Variants in GOPC observed in about 807,000 individuals in gnomAD.
The protein encoded by GOPC is Golgi-associated PDZ and coiled-coil motif-containing protein.
A neutral mutation model predicts 51.2 loss-of-function variants in GOPC; 32 were observed. That is an observed-to-expected ratio of 0.63 (90% CI 0.47 to 0.84). The LOEUF is 0.84. Ranked by LOEUF, GOPC falls within the 40% of genes least tolerant of loss-of-function variation. The pLI, the probability that GOPC is intolerant of heterozygous loss-of-function variation, is 0.00. For missense variants in GOPC, 441 were observed against 555.5 expected (o/e 0.79, Z 2.07); for synonymous variants, 190 against 205.1 (o/e 0.93, Z 0.63).
chr6:117,572,770 C>T lies in GOPC; in HGVS notation c.816+697G>A, dbSNP rs1045934450. Among the ~76,000 whole-genome samples, 3 of 152,192 alleles carry T rather than the reference C, an allele frequency of 2.0e-5. No homozygotes were observed. The South Asian group carries it at 6.2e-4, about 31-fold the overall frequency. On this transcript the variant is annotated intron_variant, in intron 5 of 8. Transcript: ENST00000368498. Reference sequence around the variant, plus strand: ...CTTATCGCTATCCCCACTTCTCTTCCACCAACTCTATTTACATACCAATTC... The same window carrying T: ...CTTATCGCTATCCCCACTTCTCTTCTACCAACTCTATTTACATACCAATTC...
At chr6:117,578,509 G>A (rs1440296722) in intron 2 of GOPC, among the ~76,000 whole-genome samples, 1 of 151,936 alleles carries the variant, frequency 6.6e-6, no homozygotes, top group Non-Finnish European at 1.5e-5. Context: ...TAGACTGCCG[G>A]TCTCAGATTT....
chr6:117,566,901 G>A lies in GOPC; in HGVS notation c.1211C>T (p.Pro404Leu). ...YLDELEGGGN[P>L]GASCKDTSGE... ...ACTTGTGTCTTTGCAACTAGCACCA[G>A]GGTTACCACCTCCTTCTAACTCATC... is the stretch of plus-strand genomic sequence containing the variant. Residue 404 changes from proline (P) to leucine (L), a missense_variant, in exon 8 of 9, where the codon CCT (proline) becomes CTT (leucine). Physicochemically the swap from Pro to Leu is moderately conservative, Grantham distance 98. Around this residue, in one of 3 missense-constraint regions of GOPC, gnomAD observed 71 missense variants for 68.8 expected, o/e 1.03. Transcript: ENST00000368498. The A allele has an allele frequency of 6.2e-7, 1 of 1,606,022 alleles. No homozygotes were observed. Among genetic ancestry groups the A allele is most frequent in the Non-Finnish European group, 8.5e-7 (1 of 1,176,586 alleles).
intron 5 of GOPC, among the ~76,000 whole-genome samples, chr6:117,571,602 C>T (rs1779807809): frequency 6.6e-6 from 1 of 152,086 alleles, no homozygotes; most frequent in Non-Finnish European, 1.5e-5. Context: ...TACCATCCTC[C>T]CCCTTTCCTT....
intron 2 of GOPC, among the ~76,000 whole-genome samples, chr6:117,578,537 A>T (rs1435363794): frequency 1.3e-5 from 2 of 152,074 alleles, no homozygotes; most frequent in South Asian, 2.1e-4. Flanking sequence ...GAGAAAAATA[A>T]GTACTGTTCA....
chr6:117,588,353 G>A (rs1397985557), intron 1 of GOPC, among the ~76,000 whole-genome samples: 1 of 151,828 alleles, frequency 6.6e-6, no homozygotes, highest in Non-Finnish European at 1.5e-5. Flanking sequence ...TTGGCTCACT[G>A]CAACCTCCAC....
At chr6:117,567,082 T>C (rs767936822) in intron 7 of GOPC, 48 bp from the exon 8 acceptor site, 7 of 1,411,162 alleles carry the variant, frequency 5.0e-6, no homozygotes, top group South Asian at 1.5e-5. Context: ...GTAATTGTAA[T>C]TTAAAAAGGA....
At chr6:117,585,826 C>T (rs1042471404) in intron 1 of GOPC, among the ~76,000 whole-genome samples, 6 of 152,160 alleles carry the variant, frequency 3.9e-5, no homozygotes, top group Non-Finnish European at 8.8e-5. Flanking sequence ...CACAGACACA[C>T]CTGTAGGCAT....
chr6:117,573,339 T>A (rs1471393421), intron 5 of GOPC, 128 bp downstream of exon 5: 5 of 1,078,952 alleles, frequency 4.6e-6, no homozygotes, highest in Non-Finnish European at 5.2e-6. Flanking sequence ...TTTGAATAAG[T>A]TGAATCCCAT....
At chr6:117,591,149 G>A (rs1016246968) in intron 1 of GOPC, among the ~76,000 whole-genome samples, 3 of 152,114 alleles carry the variant, frequency 2.0e-5, no homozygotes, top group African/African-American at 7.2e-5. Flanking sequence ...ACCACACCCG[G>A]CCCCAAATGT....
At position 117,594,964 on chromosome 6, in the gene GOPC, T is replaced by G. The variant is rs1583065157; in HGVS notation, c.285+7040A>C. Among the ~76,000 whole-genome samples the G allele has an allele frequency of 2.0e-5, 3 of 152,110 alleles. No individual in the cohort carries two copies. The South Asian group carries it at 6.2e-4, about 31-fold the overall frequency. ...ACTGCTAGTATTACTATTCCTACTG[T>G]AAACCTAAAAGGAAAAGGCTGAGGC... On this transcript the variant is annotated intron_variant, in intron 1 of 8. Transcript: ENST00000368498.
chr6:117,561,004 T>C lies in GOPC; in HGVS notation c.*2250A>G, dbSNP rs918645842. 5.1e-5 allele frequency: 11 copies of C among 215,652 alleles called. No individual in the cohort carries two copies. Among genetic ancestry groups the C allele is most frequent in the African/African-American group, 2.5e-4 (11 of 44,452 alleles). 13.4% of individuals were successfully genotyped at this position (215,652 alleles called of 1,614,324 possible). On this transcript the variant is annotated 3_prime_UTR_variant, in exon 9 of 9. Coordinates refer to ENST00000368498, the MANE Select transcript of GOPC (RefSeq NM_020399.4). Reference sequence around the variant, plus strand: ...ATTCTTAGTTCATCCCCAAAAACCATACATTCTAAAATGAACTTTTAACTA... The same window carrying C: ...ATTCTTAGTTCATCCCCAAAAACCACACATTCTAAAATGAACTTTTAACTA...
intron 2 of GOPC, among the ~76,000 whole-genome samples, 180 bp downstream of exon 2, chr6:117,578,718 CTG>C (rs1779917186): frequency 6.6e-6 from 1 of 151,988 alleles, no homozygotes. Context: ...GTTGATATCA[CTG>C]ATTATCTATA....
chr6:117,581,278 A>G (rs992854538), intron 1 of GOPC, among the ~76,000 whole-genome samples: 10 of 152,170 alleles, frequency 6.6e-5, no homozygotes. Flanking sequence ...TAAATTAACC[A>G]AGATGTGGCA....
chr6:117,602,493 G>C lies in GOPC; in HGVS notation c.-205C>G. The C allele has an allele frequency of 1.7e-6, 1 of 592,570 alleles. No homozygotes were observed. Among genetic ancestry groups the C allele is most frequent in the East Asian group, 2.8e-5 (1 of 35,122 alleles). 36.7% of individuals were successfully genotyped at this position (592,570 alleles called of 1,614,324 possible). ...TGAGGCGGCAACGGCGGCGACACACGGAAGACTCAGTCAGTCCCACCTCCC... is the reference window on the plus strand; with the variant it reads ...TGAGGCGGCAACGGCGGCGACACACCGAAGACTCAGTCAGTCCCACCTCCC... On this transcript the variant is annotated 5_prime_UTR_variant, in exon 1 of 9. Coordinates refer to ENST00000368498, the MANE Select transcript of GOPC (RefSeq NM_020399.4).
chr6:117,563,263 T>A lies in GOPC; in HGVS notation c.1380A>T (p.Lys460Asn). Reference sequence around the variant, plus strand: ...TGGAGATATGGTCAATTTAATAAGATTTTTTATGATACAGAGTGTGCAGAT... The same window carrying A: ...TGGAGATATGGTCAATTTAATAAGAATTTTTATGATACAGAGTGTGCAGAT... ...LDDLHTLYHK[K>N]SY Residue 460 changes from lysine (K) to asparagine (N), a missense_variant, in exon 9 of 9, where the codon AAA becomes AAT. Lys to Asn is a moderately conservative substitution (Grantham distance 94). Transcript: ENST00000368498. The A allele has an allele frequency of 6.2e-7, 1 of 1,612,660 alleles. No homozygotes were observed. The highest frequency in any genetic ancestry group is 8.5e-7 in the Non-Finnish European group (1 of 1,178,988).
intron 2 of GOPC, among the ~76,000 whole-genome samples, chr6:117,577,715 A>T (rs1023966731): frequency 2.0e-5 from 3 of 152,090 alleles, no homozygotes; most frequent in African/African-American, 7.2e-5. Context: ...TACTCTTTCA[A>T]ATTCTAATGT....
chr6:117,593,205 T>G (rs1780144510), intron 1 of GOPC, among the ~76,000 whole-genome samples: 1 of 152,104 alleles, frequency 6.6e-6, no homozygotes, highest in Non-Finnish European at 1.5e-5. Flanking sequence ...CTCATGCTCT[T>G]ACTCTCACCT....
rs1256246406 is a variant in GOPC, at chr6:117,560,601, G to C, written c.*2653C>G. On this transcript the variant is annotated 3_prime_UTR_variant, in exon 9 of 9. Coordinates refer to ENST00000368498, the MANE Select transcript of GOPC (RefSeq NM_020399.4). ...CAAGCTGTGCTAACTTTCGATAGCT[G>C]TTGACTTGTAATTATCAAGACTCAC... 5.1e-6 allele frequency: 1 copy of C among 194,592 alleles called. No individual in the cohort carries two copies. The highest frequency in any genetic ancestry group is 1.1e-5 in the Non-Finnish European group (1 of 93,196). The allele number at this position is 194,592 out of a possible 1,614,324, so 12.1% of individuals were successfully genotyped here.
At chr6:117,575,645 G>T (rs1779870575) in intron 3 of GOPC, 2 of 512,682 alleles carry the variant, frequency 3.9e-6, no homozygotes, top group African/African-American at 3.8e-5. Flanking sequence ...ATGGATAGTT[G>T]AATCTGCTAT....
Sources: gnomAD v4.1 joint callset for allele counts (sites outside exome capture counted in the v4.1 genomes callset) on GRCh38, gnomAD v4.1.1 for gene constraint, gnomAD v4.1.1 regional missense constraint, MANE v1.5 for transcripts, NCBI Gene and HGNC (gene_info 2026-07-23, HGNC 2026-07-21) for gene names.